CLSTN2: variants seen among roughly 807,000 people sequenced by gnomAD.
The protein encoded by CLSTN2 is calsyntenin-2.
In CLSTN2, 48 loss-of-function variants were observed where a neutral mutation model predicts 101.2. The observed-to-expected ratio is 0.47, with a 90% CI of 0.38 to 0.60. The LOEUF is 0.60. Ranked by LOEUF, CLSTN2 falls within the 20% of genes least tolerant of loss-of-function variation. CLSTN2 has a pLI of 0.00. For missense variants in CLSTN2, 1,160 were observed against 1,238.2 expected, an observed-to-expected ratio of 0.94 and a Z score of 0.95; for synonymous variants, 481 against 463.6, an observed-to-expected ratio of 1.04 and a Z score of -0.48.
intron 1 of CLSTN2, among the ~76,000 whole-genome samples, chr3:139,973,763 C>T (rs149152979): frequency 0.013 from 1,928 of 152,238 alleles, 20 homozygotes; most frequent in Non-Finnish European, 0.019. Flanking sequence ...CCCAGCCTCC[C>T]GAGTAGCTGC....
chr3:140,142,467 G>T (rs1389535348), intron 1 of CLSTN2, among the ~76,000 whole-genome samples: 1 of 152,180 alleles, frequency 6.6e-6, no homozygotes, highest in African/African-American at 2.4e-5. Flanking sequence ...CATGGCAAAT[G>T]CTGAGAAGTT....
intron 1 of CLSTN2, among the ~76,000 whole-genome samples, chr3:140,028,655 C>A (rs2007473248): frequency 6.6e-6 from 1 of 152,162 alleles, no homozygotes; most frequent in Non-Finnish European, 1.5e-5. Context: ...AATGAATGGG[C>A]AACTGCCTAT....
chr3:140,152,292 A>G (rs1037256356), intron 1 of CLSTN2, among the ~76,000 whole-genome samples: 1 of 151,698 alleles, frequency 6.6e-6, no homozygotes, highest in South Asian at 2.1e-4. Context: ...CAGATGGACC[A>G]GTGACTTTTT....
intron 7 of CLSTN2, 59 bp downstream of exon 7, chr3:140,459,828 C>T: frequency 6.3e-7 from 1 of 1,592,598 alleles, no homozygotes; most frequent in East Asian, 2.2e-5. Context: ...CATTTTGTCA[C>T]AGGTGGCTGG....
intron 2 of CLSTN2, among the ~76,000 whole-genome samples, chr3:140,223,354 T>G (rs1347340641): frequency 6.6e-6 from 1 of 152,150 alleles, no homozygotes; most frequent in Admixed American, 6.5e-5. Context: ...TAGCTAAGTC[T>G]TTGTTGAGAG....
chr3:140,552,999 C>T (rs987313936), intron 10 of CLSTN2, among the ~76,000 whole-genome samples: 4 of 152,342 alleles, frequency 2.6e-5, no homozygotes, highest in African/African-American at 7.2e-5. Flanking sequence ...GACTCACTAG[C>T]GTGAGGCAGC....
At chr3:140,186,882 A>G (rs973057060) in intron 2 of CLSTN2, among the ~76,000 whole-genome samples, 3 of 152,150 alleles carry the variant, frequency 2.0e-5, no homozygotes, top group Admixed American at 2.0e-4. Flanking sequence ...CTGCACATTA[A>G]TGATACCAAT....
intron 1 of CLSTN2, among the ~76,000 whole-genome samples, chr3:140,069,358 C>T (rs534030938): frequency 8.5e-4 from 130 of 152,246 alleles, no homozygotes; most frequent in African/African-American, 3.0e-3. Context: ...CACCAAGACA[C>T]CAGATCAATG....
intron 1 of CLSTN2, among the ~76,000 whole-genome samples, chr3:140,031,418 C>T (rs1346855956): frequency 6.6e-6 from 1 of 152,176 alleles, no homozygotes; most frequent in African/African-American, 2.4e-5. Context: ...GGGAGGCATC[C>T]TCCACTATCT....
intron 1 of CLSTN2, among the ~76,000 whole-genome samples, chr3:140,089,691 C>A (rs1005734198): frequency 3.3e-5 from 5 of 151,504 alleles, no homozygotes; most frequent in African/African-American, 4.9e-5. Flanking sequence ...TGGCTTACTG[C>A]AGACGTGACT....
intron 8 of CLSTN2, among the ~76,000 whole-genome samples, chr3:140,503,394 C>A (rs763932926): frequency 3.9e-5 from 6 of 152,180 alleles, no homozygotes; most frequent in Non-Finnish European, 7.3e-5. Flanking sequence ...CATGTTACAT[C>A]TGCCTACAGT....
intron 1 of CLSTN2, among the ~76,000 whole-genome samples, chr3:140,067,083 G>A (rs2008312479): frequency 6.6e-6 from 1 of 152,162 alleles, no homozygotes; most frequent in Non-Finnish European, 1.5e-5. Flanking sequence ...GGGGTAACAA[G>A]GAAGAAGTCT....
At chr3:140,231,211 A>G (rs1324710038) in intron 2 of CLSTN2, among the ~76,000 whole-genome samples, 1 of 151,960 alleles carries the variant, frequency 6.6e-6, no homozygotes, top group Non-Finnish European at 1.5e-5. Context: ...CTATCTCATC[A>G]TGTCACCCAA....
At chr3:140,545,283 G>A (rs137984726) in intron 9 of CLSTN2, among the ~76,000 whole-genome samples, 67 of 152,282 alleles carry the variant, frequency 4.4e-4, no homozygotes, top group Non-Finnish European at 9.1e-4. Flanking sequence ...TTTCACAGAA[G>A]GTGTCCCACT....
intron 2 of CLSTN2, among the ~76,000 whole-genome samples, chr3:140,363,602 ACCC>A (rs2087753343): frequency 1.7e-5 from 1 of 59,948 alleles, no homozygotes; most frequent in South Asian, 5.1e-4. Flanking sequence ...AGTCAGAGGG[ACCC>A]GGTAGGCACT....
intron 2 of CLSTN2, among the ~76,000 whole-genome samples, chr3:140,390,472 C>A (rs759913244): frequency 6.6e-5 from 10 of 152,134 alleles, no homozygotes; most frequent in Non-Finnish European, 1.5e-4. Flanking sequence ...ATATATTCTG[C>A]ATATTTTAAG....
intron 1 of CLSTN2, among the ~76,000 whole-genome samples, chr3:139,979,790 TATC>T (rs769380732): frequency 1.3e-5 from 2 of 151,994 alleles, no homozygotes; most frequent in African/African-American, 2.4e-5. Flanking sequence ...TTGGTGTCAT[TATC>T]ATCATCATTA....
intron 6 of CLSTN2, chr3:140,454,442 T>C (rs989794073): frequency 1.3e-5 from 2 of 152,170 alleles, no homozygotes; most frequent in Admixed American, 1.3e-4. Flanking sequence ...GATAGTTTTA[T>C]TGTGGGATCA....
At chr3:140,132,504 G>T (rs1333005640) in intron 1 of CLSTN2, among the ~76,000 whole-genome samples, 1 of 152,146 alleles carries the variant, frequency 6.6e-6, no homozygotes, top group East Asian at 1.9e-4. Flanking sequence ...GGCTTTAGTG[G>T]ACCCAATTTT....
Sources: allele counts gnomAD v4.1 joint callset (sites outside exome capture counted in the v4.1 genomes callset), GRCh38; gene constraint gnomAD v4.1.1; transcripts MANE v1.5; gene names NCBI Gene and HGNC (gene_info 2026-07-23, HGNC 2026-07-21).